The following GRIN2A variants were observed in gnomAD, a reference collection of about 807,000 sequenced individuals.
GRIN2A encodes glutamate receptor ionotropic, NMDA 2A.
A neutral mutation model predicts 113.4 loss-of-function variants in GRIN2A; 22 were observed. The observed-to-expected ratio is 0.19, with a 90% CI of 0.14 to 0.28. GRIN2A has a LOEUF of 0.28. GRIN2A is among the 10% of genes least tolerant of loss of function. GRIN2A has a pLI of 1.00. For missense variants in GRIN2A, 1,502 were observed against 1,887.0 expected (o/e 0.80, Z 3.78); for synonymous variants, 827 against 738.4 (o/e 1.12, Z -1.94).
chr16:10,173,370 T>C (rs774322938), intron 2 of GRIN2A, among the ~76,000 whole-genome samples: 2 of 152,242 alleles, frequency 1.3e-5, no homozygotes, highest in Non-Finnish European at 2.9e-5. Context: ...CTCCTGCTGA[T>C]GAGCTGTTAC....
intron 2 of GRIN2A, among the ~76,000 whole-genome samples, chr16:9,990,558 C>T (rs1413646614): frequency 4.1e-4 from 44 of 106,078 alleles, no homozygotes; most frequent in African/African-American, 8.8e-4. Flanking sequence ...CGCGCGCGCG[C>T]GCGCGCACAC....
At chr16:9,866,104 C>G (rs1259208042) in intron 4 of GRIN2A, among the ~76,000 whole-genome samples, 1 of 152,168 alleles carries the variant, frequency 6.6e-6, no homozygotes, top group Admixed American at 6.6e-5. Flanking sequence ...GCTCTAAGTC[C>G]TTATCTGTAA....
At chr16:9,996,443 A>G (rs943993533) in intron 2 of GRIN2A, among the ~76,000 whole-genome samples, 4 of 152,144 alleles carry the variant, frequency 2.6e-5, no homozygotes, top group African/African-American at 9.7e-5. Context: ...TGCAAACTGA[A>G]CTCCAGAAGA....
intron 11 of GRIN2A, among the ~76,000 whole-genome samples, chr16:9,781,693 A>G (rs1407981458): frequency 6.6e-6 from 1 of 151,738 alleles, no homozygotes; most frequent in South Asian, 2.1e-4. Flanking sequence ...ATATGACGCC[A>G]TATATCAAGA....
intron 3 of GRIN2A, among the ~76,000 whole-genome samples, chr16:9,928,293 G>C (rs543712569): frequency 5.3e-5 from 8 of 152,282 alleles, no homozygotes; most frequent in Admixed American, 4.6e-4. Flanking sequence ...CCACCTGGAA[G>C]GGATGATCAG....
intron 2 of GRIN2A, among the ~76,000 whole-genome samples, chr16:9,964,787 C>T (rs1160724906): frequency 6.6e-6 from 1 of 152,152 alleles, no homozygotes; most frequent in Admixed American, 6.6e-5. Context: ...AATCCAGGAT[C>T]ATCCGAATCT....
intron 2 of GRIN2A, among the ~76,000 whole-genome samples, chr16:9,953,802 G>C (rs1449283547): frequency 6.6e-6 from 1 of 152,164 alleles, no homozygotes; most frequent in Non-Finnish European, 1.5e-5. Flanking sequence ...AGGTACTGCT[G>C]TGTGGTGCAG....
In GRIN2A at chr16:9,905,968, C is replaced by T. The variant is rs72783927; in HGVS notation, c.1008-14868G>A. Among the ~76,000 whole-genome samples, 1,267 of 152,268 alleles carry T rather than the reference C, an allele frequency of 8.3e-3. 4 individuals are homozygous for T. Among genetic ancestry groups the T allele is most frequent in the Non-Finnish European group, 0.013 (887 of 68,028 alleles). ...GATTTTTAAAAGGTCTAGTAAAGCC[C>T]CAAACAATATTTTCTATTGTTTCTC... On this transcript the variant is annotated intron_variant, in intron 3 of 12. Coordinates refer to ENST00000330684, the MANE Select transcript of GRIN2A (RefSeq NM_001134407.3).
At chr16:10,025,554 G>A (rs2046804742) in intron 2 of GRIN2A, among the ~76,000 whole-genome samples, 2 of 151,812 alleles carry the variant, frequency 1.3e-5, no homozygotes, top group South Asian at 2.1e-4. Context: ...CTCCTGCCTC[G>A]GCCTCCCTAA....
At chr16:9,906,780 C>A (rs2044036263) in intron 3 of GRIN2A, among the ~76,000 whole-genome samples, 1 of 152,318 alleles carries the variant, frequency 6.6e-6, no homozygotes, top group Admixed American at 6.5e-5. Context: ...TCATTTTGCA[C>A]TTTTTTGTGC....
chr16:9,947,436 A>G (rs1290119064), intron 2 of GRIN2A, among the ~76,000 whole-genome samples: 3 of 152,236 alleles, frequency 2.0e-5, no homozygotes, highest in African/African-American at 7.2e-5. Flanking sequence ...GCTATCATAC[A>G]TAGAGGAGCT....
chr16:10,171,718 T>C (rs1456517783), intron 2 of GRIN2A, among the ~76,000 whole-genome samples: 1 of 152,090 alleles, frequency 6.6e-6, no homozygotes, highest in Non-Finnish European at 1.5e-5. Flanking sequence ...TGGAGAAAAA[T>C]AAAAACTAAA....
chr16:9,774,399 A>G (rs1901474330), intron 11 of GRIN2A, among the ~76,000 whole-genome samples: 1 of 152,220 alleles, frequency 6.6e-6, no homozygotes, highest in African/African-American at 2.4e-5. Context: ...ACACTCAGGT[A>G]TTAATACACT....
rs1052226165 is a variant in GRIN2A at position 10,037,725 on chromosome 16, A to T, written c.415-99174T>A. Among the ~76,000 whole-genome samples the T allele has an allele frequency of 3.9e-5, 6 of 152,150 alleles. No individual in the cohort carries two copies. The East Asian group carries it at 1.2e-3, about 29-fold the overall frequency. On this transcript the variant is annotated intron_variant, in intron 2 of 12. Coordinates refer to ENST00000330684, the MANE Select transcript of GRIN2A (RefSeq NM_001134407.3). ...ACTGCAGCCTCTACCTCCTGGACTC[A>T]GGTGATCCTCCCACCTCAGCCTCCT...
chr16:9,819,921 CAAAAAAAAAAAAAAAAAA>C (rs71157787), intron 10 of GRIN2A, among the ~76,000 whole-genome samples: 3 of 63,674 alleles, frequency 4.7e-5, no homozygotes, highest in African/African-American at 1.7e-4. Flanking sequence ...AACTCCGTCT[CAAAAAAAAAAAAAAAAAA>C]AAAAAAAAAA....
chr16:9,803,117 C>G (rs2041897537), intron 10 of GRIN2A, among the ~76,000 whole-genome samples: 1 of 152,150 alleles, frequency 6.6e-6, no homozygotes. Context: ...AAAAATGGAG[C>G]CAACTTGCCG....
At chr16:9,765,068 C>T (rs1242251475) in intron 12 of GRIN2A, 120 bp from the exon 13 acceptor site, 3 of 1,226,348 alleles carry the variant, frequency 2.4e-6, no homozygotes, top group African/African-American at 1.5e-5. Context: ...CCTGGAGAAA[C>T]AGCAAAATTC....
intron 4 of GRIN2A, among the ~76,000 whole-genome samples, chr16:9,866,612 A>G (rs2043164214): frequency 6.6e-6 from 1 of 152,210 alleles, no homozygotes; most frequent in African/African-American, 2.4e-5. Context: ...CCTGGGGATA[A>G]TATTGGTGAT....
intron 2 of GRIN2A, among the ~76,000 whole-genome samples, chr16:9,944,783 G>A (rs78014934): frequency 0.018 from 2,678 of 152,234 alleles, 36 homozygotes; most frequent in Non-Finnish European, 0.024. Flanking sequence ...AAGACTGCCC[G>A]TGGGCAGGAA....
Sources: allele counts gnomAD v4.1 joint callset (sites outside exome capture counted in the v4.1 genomes callset), GRCh38; gene constraint gnomAD v4.1.1; transcripts MANE v1.5; gene names NCBI Gene and HGNC (gene_info 2026-07-23, HGNC 2026-07-21).